The following RUNDC3B variants were observed in gnomAD, a reference collection of about 807,000 sequenced individuals.
RUNDC3B encodes the protein RUN domain containing 3B, also known as RUN domain-containing protein 3B.
RUNDC3B carries 33 observed loss-of-function variants against 58.4 expected under a neutral mutation model. The observed-to-expected ratio is 0.56, with a 90% CI of 0.43 to 0.75. RUNDC3B has a LOEUF of 0.75. RUNDC3B is among the 30% of genes least tolerant of loss of function. The pLI is 0.00. For synonymous variants in RUNDC3B, 193 were observed against 195.2 expected, an observed-to-expected ratio of 0.99 and a Z score of 0.10; for missense variants, 501 against 535.7, an observed-to-expected ratio of 0.94 and a Z score of 0.64.
intron 6 of RUNDC3B, among the ~76,000 whole-genome samples, chr7:87,767,823 A>G (rs143949440): frequency 1.6e-3 from 238 of 152,204 alleles, no homozygotes; most frequent in Non-Finnish European, 2.2e-3. Flanking sequence ...TAGGAATGCA[A>G]TCAGCTTCCC....
At chr7:87,651,323 G>A (rs566541248) in intron 2 of RUNDC3B, among the ~76,000 whole-genome samples, 4 of 152,200 alleles carry the variant, frequency 2.6e-5, no homozygotes, top group African/African-American at 7.2e-5. Flanking sequence ...CTTTGTAAAT[G>A]TTTTAGCAGG....
rs545892161 is a variant in RUNDC3B, at chr7:87,754,180, A to G, written c.629+12601A>G. 4.6e-5 allele frequency among the ~76,000 whole-genome samples: 7 copies of G among 152,340 alleles called. No homozygotes were observed. The East Asian group carries it at 5.8e-4, about 13-fold the overall frequency. The stretch of plus-strand genomic sequence containing the variant: ...TGGCACATACTCTGAAACTGACCAC[A>G]TAATTGGACATAAAACAATCCTCAA... On this transcript the variant is annotated intron_variant, in intron 6 of 10. Transcript: ENST00000394654.
At chr7:87,631,998 A>G (rs1198408042) in intron 1 of RUNDC3B, among the ~76,000 whole-genome samples, 1 of 152,170 alleles carries the variant, frequency 6.6e-6, no homozygotes, top group Non-Finnish European at 1.5e-5. Context: ...AATGTTTATA[A>G]TAGCTAAATT....
At position 87,759,496 on chromosome 7, in the gene RUNDC3B, A is replaced by G. The variant is rs955339524; in HGVS notation, c.630-11085A>G. On this transcript the variant is annotated intron_variant, in intron 6 of 10. Transcript: ENST00000394654. ...AGAGTGGAATTGGAATGTTCCTAAC[A>G]CAAAGAAATGACACATGTGGTTGGG... Among the ~76,000 whole-genome samples the G allele has an allele frequency of 9.2e-5, 14 of 152,254 alleles. No individual in the cohort carries two copies. In the East Asian group the frequency reaches 1.3e-3, roughly 15 times the overall value.
intron 6 of RUNDC3B, among the ~76,000 whole-genome samples, chr7:87,754,467 A>G (rs1321893879): frequency 1.3e-5 from 2 of 152,218 alleles, no homozygotes; most frequent in Middle Eastern, 3.2e-3. Flanking sequence ...TCATACCACT[A>G]AATGTCCACA....
intron 3 of RUNDC3B, among the ~76,000 whole-genome samples, chr7:87,700,785 A>T (rs1015415): frequency 0.098 from 14,851 of 152,236 alleles, 876 homozygotes; most frequent in African/African-American, 0.17. Flanking sequence ...AATGGGTACA[A>T]AATGTCAAAA....
At chr7:87,817,445 C>T (rs1383252013) in intron 10 of RUNDC3B, among the ~76,000 whole-genome samples, 1 of 152,160 alleles carries the variant, frequency 6.6e-6, no homozygotes, top group African/African-American at 2.4e-5. Flanking sequence ...TTCCTAGCCT[C>T]CTACTTGACC....
intron 8 of RUNDC3B, among the ~76,000 whole-genome samples, chr7:87,786,913 T>C (rs1251196554): frequency 5.3e-5 from 8 of 152,168 alleles, no homozygotes; most frequent in Non-Finnish European, 7.4e-5. Flanking sequence ...ATAACCTTAA[T>C]TTAATACCTT....
chr7:87,788,216 A>C (rs1417860066), intron 8 of RUNDC3B, among the ~76,000 whole-genome samples: 13 of 152,210 alleles, frequency 8.5e-5, no homozygotes, highest in Non-Finnish European at 2.9e-5. Flanking sequence ...TGAGGCCTGC[A>C]GTTCAAGACC....
chr7:87,714,670 A>G (rs1390693616), intron 4 of RUNDC3B, among the ~76,000 whole-genome samples: 1 of 152,152 alleles, frequency 6.6e-6, no homozygotes, highest in African/African-American at 2.4e-5. Flanking sequence ...TAGACGAGAA[A>G]TTCTCAGAAA....
At chr7:87,659,273 T>C in intron 2 of RUNDC3B, 1 of 410,256 alleles carries the variant, frequency 2.4e-6, no homozygotes, top group Admixed American at 2.8e-5. Flanking sequence ...TTCTGTTTGT[T>C]CCCCCTGTTC....
At chr7:87,737,612 G>T (rs929253885) in intron 4 of RUNDC3B, among the ~76,000 whole-genome samples, 2 of 151,970 alleles carry the variant, frequency 1.3e-5, no homozygotes, top group Admixed American at 1.3e-4. Context: ...CTTAAGCTCA[G>T]AAGTACATCT....
chr7:87,726,732 T>C (rs980458035), intron 4 of RUNDC3B, among the ~76,000 whole-genome samples: 3 of 152,216 alleles, frequency 2.0e-5, no homozygotes, highest in Admixed American at 6.5e-5. Flanking sequence ...GAGCATGGAA[T>C]GTTCTTCCAT....
At chr7:87,768,892 G>A (rs1186699327) in intron 6 of RUNDC3B, among the ~76,000 whole-genome samples, 1 of 151,752 alleles carries the variant, frequency 6.6e-6, no homozygotes, top group African/African-American at 2.4e-5. Flanking sequence ...AGCCATCTTG[G>A]GAAAAAGTTG....
chr7:87,633,591 G>C (rs1025845886), intron 1 of RUNDC3B, among the ~76,000 whole-genome samples: 1 of 151,460 alleles, frequency 6.6e-6, no homozygotes, highest in African/African-American at 2.4e-5. Context: ...TCTTTTCTTT[G>C]TACTTCCCAT....
At chr7:87,781,602 A>G (rs1279780701) in intron 8 of RUNDC3B, among the ~76,000 whole-genome samples, 1 of 152,082 alleles carries the variant, frequency 6.6e-6, no homozygotes, top group Non-Finnish European at 1.5e-5. Context: ...CCCATTCAGT[A>G]TGATGTTGGC....
At chr7:87,699,743 G>A (rs563372198) in intron 2 of RUNDC3B, among the ~76,000 whole-genome samples, 19 of 152,090 alleles carry the variant, frequency 1.2e-4, no homozygotes, top group Non-Finnish European at 2.4e-4. Flanking sequence ...ATGCACAATA[G>A]AACATTTGGT....
intron 9 of RUNDC3B, among the ~76,000 whole-genome samples, chr7:87,808,681 T>C (rs1470115106): frequency 6.6e-6 from 1 of 152,130 alleles, no homozygotes; most frequent in African/African-American, 2.4e-5. Flanking sequence ...TGACTTTTGA[T>C]ATTTCATAAA....
intron 8 of RUNDC3B, among the ~76,000 whole-genome samples, chr7:87,800,679 C>T (rs1836100288): frequency 6.7e-6 from 1 of 148,384 alleles, no homozygotes; most frequent in African/African-American, 2.5e-5. Flanking sequence ...TGAGACAGGG[C>T]CTCTGTCATC....
Sources: allele counts gnomAD v4.1 joint callset (sites outside exome capture counted in the v4.1 genomes callset), GRCh38; gene constraint gnomAD v4.1.1; transcripts MANE v1.5; gene names NCBI Gene and HGNC (gene_info 2026-07-23, HGNC 2026-07-21).